The following IL12RB1 variants were observed in gnomAD, a reference collection of about 807,000 sequenced individuals.
The protein encoded by IL12RB1 is interleukin 12 receptor subunit beta 1, also known as interleukin-12 receptor subunit beta-1.
In IL12RB1, 64 loss-of-function variants were observed where a neutral mutation model predicts 94.4. That is an observed-to-expected ratio of 0.68 (90% confidence interval 0.55 to 0.83). The LOEUF is 0.83. Ranked by LOEUF, IL12RB1 falls within the 40% of genes least tolerant of loss-of-function variation. The pLI is 0.00. For synonymous variants in IL12RB1, 362 were observed against 355.5 expected, an observed-to-expected ratio of 1.02 and a Z score of -0.21; for missense variants, 814 against 855.6, an observed-to-expected ratio of 0.95 and a Z score of 0.61.
At chr19:18,095,691 T>G (rs2036855649) in intron 1 of IL12RB1, among the ~76,000 whole-genome samples, 1 of 152,244 alleles carries the variant, frequency 6.6e-6, no homozygotes, top group Non-Finnish European at 1.5e-5. Context: ...GAATTATATG[T>G]CAATTTTTAA....
At position 18,069,602 on chromosome 19, in the gene IL12RB1, C is replaced by G. The variant is rs754241755; in HGVS notation, c.1133G>C (p.Gly378Ala). Residue 378 changes from glycine (G) to alanine (A), a missense_variant, in exon 10 of 17, where the codon GGG becomes GCG. Coordinates refer to ENST00000593993, the MANE Select transcript of IL12RB1 (RefSeq NM_005535.3). ...AGTCAGGCTGCAGGTGGCAAGGCCC[C>G]CGTCCTGGCCCACAGGCTGCCATTC... ...CIEWQPVGQD[G>A]GLATCSLTAP... The G allele has an allele frequency of 6.2e-7, 1 of 1,612,724 alleles. No individual in the cohort carries two copies. Among genetic ancestry groups the G allele is most frequent in the Non-Finnish European group, 8.5e-7 (1 of 1,179,852 alleles).
chr19:18,097,713 TG>T, intron 1 of IL12RB1: 1 of 896,250 alleles, frequency 1.1e-6, no homozygotes, highest in Non-Finnish European at 1.4e-6. Flanking sequence ...CTGACCGGCC[TG>T]GCCAATGGCA....
chr19:18,079,757 C>T (rs936525374), intron 4 of IL12RB1, among the ~76,000 whole-genome samples: 3 of 151,936 alleles, frequency 2.0e-5, no homozygotes, highest in African/African-American at 4.8e-5. Context: ...CTTAGCCGGG[C>T]GCGGTGGCGG....
intron 8 of IL12RB1, among the ~76,000 whole-genome samples, 177 bp from the exon 9 acceptor site, chr19:18,072,526 A>G (rs1354890913): frequency 6.6e-6 from 1 of 152,170 alleles, no homozygotes; most frequent in African/African-American, 2.4e-5. Context: ...TGAGACAGGC[A>G]TTCACCTCCC....
At chr19:18,070,145 C>G (rs2146223471) in intron 9 of IL12RB1, among the ~76,000 whole-genome samples, 1 of 152,270 alleles carries the variant, frequency 6.6e-6, no homozygotes, top group East Asian at 1.9e-4. Context: ...GTCTCGAACT[C>G]CTGACCTCCA....
At chr19:18,060,470 C>A (rs1400035611) in intron 15 of IL12RB1, among the ~76,000 whole-genome samples, 1 of 152,128 alleles carries the variant, frequency 6.6e-6, no homozygotes, top group Non-Finnish European at 1.5e-5. Context: ...CAGAGCGAGA[C>A]TCCATATATC....
At chr19:18,093,847 A>G (rs1335254943) in intron 1 of IL12RB1, among the ~76,000 whole-genome samples, 2 of 152,142 alleles carry the variant, frequency 1.3e-5, no homozygotes, top group African/African-American at 4.8e-5. Context: ...GGACTGCCAG[A>G]TAAAACACAC....
chr19:18,092,191 T>TA (rs2036661069), intron 1 of IL12RB1, among the ~76,000 whole-genome samples: 2 of 151,400 alleles, frequency 1.3e-5, no homozygotes, highest in African/African-American at 2.4e-5. Context: ...CAGCTTTTTT[T>TA]TTTTTTTTTT....
intron 7 of IL12RB1, among the ~76,000 whole-genome samples, chr19:18,075,239 T>A (rs1333093580): frequency 6.6e-6 from 1 of 150,390 alleles, no homozygotes; most frequent in Non-Finnish European, 1.5e-5. Flanking sequence ...TTTTCCATTT[T>A]ATTTTATTAT....
upstream of IL12RB1, among the ~76,000 whole-genome samples, chr19:18,089,624 C>CA (rs751947388): frequency 0.035 from 3,963 of 113,332 alleles, 169 homozygotes; most frequent in African/African-American, 0.11. Context: ...GACTATGTCT[C>CA]AAAAAAAAAA....
At chr19:18,077,730 G>T in intron 4 of IL12RB1, 75 bp from the exon 5 acceptor site, 1 of 909,412 alleles carries the variant, frequency 1.1e-6, no homozygotes, top group Non-Finnish European at 1.9e-6. Flanking sequence ...AATCCACCCT[G>T]TCCAGGGTAA....
At chr19:18,084,934 C>T (rs1555787621) in intron 1 of IL12RB1, among the ~76,000 whole-genome samples, 1 of 152,200 alleles carries the variant, frequency 6.6e-6, no homozygotes, top group Non-Finnish European at 1.5e-5. Context: ...TGGGGAAAGA[C>T]AGTAGAGGGT....
rs927489245 is a variant in IL12RB1 at position 18,073,744 on chromosome 19, A to G, written c.701-145T>C. ...TGCAGAAAAGAGAAAAAACTGAAGG[A>G]AGAAAAATTAACACAATTTGCATCC... is the stretch of plus-strand genomic sequence containing the variant. On this transcript the variant is annotated intron_variant, in intron 7 of 16. Coordinates refer to ENST00000593993, the MANE Select transcript of IL12RB1 (RefSeq NM_005535.3). 19 of 690,990 alleles carry G rather than the reference A, an allele frequency of 2.7e-5. No homozygotes were observed. In the African/African-American group the frequency reaches 3.0e-4, roughly 11 times the overall value. 42.8% of individuals were successfully genotyped at this position (690,990 alleles called of 1,614,324 possible). A position where few individuals can be genotyped will look rare whatever the true frequency, so the allele number is the denominator to read the frequency against.
chr19:18,072,853 A>G (rs951640947), intron 8 of IL12RB1, among the ~76,000 whole-genome samples: 2 of 149,034 alleles, frequency 1.3e-5, no homozygotes, highest in African/African-American at 2.5e-5. Flanking sequence ...AGGCTGAGGC[A>G]GGAGAATGGC....
intron 1 of IL12RB1, among the ~76,000 whole-genome samples, chr19:18,096,522 A>T (rs1052575713): frequency 6.6e-6 from 1 of 152,156 alleles, no homozygotes; most frequent in Non-Finnish European, 1.5e-5. Context: ...GGGTCTGATC[A>T]TGTCTTAAGA....
upstream of IL12RB1, among the ~76,000 whole-genome samples, chr19:18,089,465 A>T (rs561391489): frequency 1.3e-5 from 2 of 152,098 alleles, no homozygotes; most frequent in South Asian, 4.2e-4. Flanking sequence ...TCTCTACTAA[A>T]AATACAAAAA....
intron 1 of IL12RB1, among the ~76,000 whole-genome samples, chr19:18,092,957 A>G (rs1337598534): frequency 1.3e-5 from 2 of 152,214 alleles, no homozygotes; most frequent in Non-Finnish European, 2.9e-5. Context: ...TGTTCATTCA[A>G]TACAAGGTCC....
At chr19:18,084,603 A>G (rs973241007) in intron 1 of IL12RB1, among the ~76,000 whole-genome samples, 5 of 151,318 alleles carry the variant, frequency 3.3e-5, no homozygotes, top group Admixed American at 2.6e-4. Context: ...CCACGTATTC[A>G]TTCATCCATA....
chr19:18,083,633 C>T, intron 1 of IL12RB1, 142 bp from the exon 2 acceptor site: 2 of 734,008 alleles, frequency 2.7e-6, no homozygotes, highest in Non-Finnish European at 2.4e-6. Flanking sequence ...CTACCACCAC[C>T]CATCCATCCA....
Sources: allele counts gnomAD v4.1 joint callset (sites outside exome capture counted in the v4.1 genomes callset), GRCh38; gene constraint gnomAD v4.1.1; transcripts MANE v1.5; gene names NCBI Gene and HGNC (gene_info 2026-07-23, HGNC 2026-07-21).